MZT2A: variants seen among roughly 807,000 people sequenced by gnomAD.
MZT2A encodes the protein mitotic-spindle organizing protein 2A.
In MZT2A, 8 loss-of-function variants were observed where a neutral mutation model predicts 12.4. The observed-to-expected ratio is 0.64, with a 90% CI of 0.38 to 1.16. The LOEUF is 1.16. Ranked by LOEUF, MZT2A falls within the 50% of genes most tolerant of loss-of-function variation. The pLI is 0.01. For missense variants in MZT2A, 181 were observed against 223.6 expected, an observed-to-expected ratio of 0.81 and a Z score of 1.22; for synonymous variants, 88 against 107.5, an observed-to-expected ratio of 0.82 and a Z score of 1.12.
upstream of MZT2A, chr2:131,492,594 A>G (rs1679387657): frequency 5.9e-6 from 7 of 1,185,308 alleles, no homozygotes; most frequent in South Asian, 2.2e-5. Context: ...CGGGAGTGGC[A>G]TGGCGGACTG....
chr2:131,492,662 C>T, upstream of MZT2A: 1 of 1,257,332 alleles, frequency 8.0e-7, no homozygotes, highest in South Asian at 1.6e-5. Context: ...TGGTCGTGCT[C>T]GCTTAGGTGG....
downstream of MZT2A, chr2:131,483,011 G>A: frequency 1.6e-6 from 2 of 1,259,302 alleles, no homozygotes; most frequent in East Asian, 5.1e-5. Flanking sequence ...ACAGCGGTGG[G>A]GTGCCAGCCT....
At chr2:131,487,481 T>C (rs1375069566) in intron 2 of MZT2A, among the ~76,000 whole-genome samples, 1 of 152,106 alleles carries the variant, frequency 6.6e-6, no homozygotes, top group African/African-American at 2.4e-5. Context: ...GTCTCAAAAA[T>C]AAATAAATAA....
intron 3 of MZT2A, chr2:131,471,970 G>A (rs1350615623): frequency 1.8e-5 from 20 of 1,097,030 alleles, no homozygotes; most frequent in Non-Finnish European, 2.3e-5. Flanking sequence ...TCCATGAGCA[G>A]GAGTCCCAAG....
chr2:131,480,820 C>T, downstream of MZT2A: 1 of 1,561,326 alleles, frequency 6.4e-7, no homozygotes, highest in South Asian at 1.2e-5. Context: ...CCTGAAGGCC[C>T]ACATCCTTTG....
intron 2 of MZT2A, among the ~76,000 whole-genome samples, chr2:131,484,533 G>C (rs187203707): frequency 1.1e-4 from 17 of 152,350 alleles, no homozygotes; most frequent in African/African-American, 3.1e-4. Flanking sequence ...GGTAGGTGTG[G>C]TGGTCCACAC....
intron 2 of MZT2A, 190 bp downstream of exon 2, chr2:131,491,685 TG>T: frequency 1.3e-6 from 1 of 794,872 alleles, no homozygotes; most frequent in Non-Finnish European, 1.9e-6. Context: ...CCACCTGACC[TG>T]GACGTGCCTC....
At chr2:131,470,851 C>T (rs1013614992) in intron 3 of MZT2A, among the ~76,000 whole-genome samples, 25 of 147,708 alleles carry the variant, frequency 1.7e-4, no homozygotes, top group Non-Finnish European at 2.9e-4. Context: ...TCAAGACCAG[C>T]GCCTGGGCAA....
downstream of MZT2A, chr2:131,480,629 C>T: frequency 6.2e-7 from 1 of 1,613,738 alleles, no homozygotes. Context: ...ACGGCAAGTA[C>T]ATGGCCTGCT....
chr2:131,476,345 GGGATCGTTTCCT>G (rs2105267251), intron 2 of MZT2A: 1 of 1,444,486 alleles, frequency 6.9e-7, no homozygotes, highest in Admixed American at 2.3e-5. Flanking sequence ...AGGAGGACAC[GGGATCGTTTCCT>G]GGATCTTTGG....
downstream of MZT2A, chr2:131,482,883 C>G (rs748012081): frequency 3.2e-6 from 5 of 1,575,360 alleles, no homozygotes; most frequent in South Asian, 1.2e-5. Context: ...CTGCCACCCC[C>G]GGGATGGCTG....
rs1165680604 is a variant in MZT2A, at chr2:131,472,300, T to G, written c.279-118A>C. 859 of 852,576 alleles carry G rather than the reference T, an allele frequency of 1.0e-3. 6 individuals carry two copies. Among genetic ancestry groups the G allele is most frequent in the Admixed American group, 6.4e-3 (216 of 33,884 alleles). 52.8% of individuals were successfully genotyped at this position (852,576 alleles called of 1,614,324 possible). On this transcript the variant is annotated intron_variant and NMD_transcript_variant, in intron 2 of 4. Transcript: ENST00000427024. ...TTAATAATTCACAGGACTCTTTTTA[T>G]TGCTGTATACTAAATAAAATACACA...
chr2:131,491,993 C>G lies in MZT2A; in HGVS notation c.202G>C (p.Ala68Pro). ...ILVDLLKLNVAPLAVFQMLKS... is the reference protein window; with the variant it reads ...ILVDLLKLNVPPLAVFQMLKS... ...AGCATCTGGAAGACGGCGAGGGGGG[C>G]CACGTTCAGCTTCAGCAGGTCCACC... Residue 68 changes from alanine (A) to proline (P), a missense_variant, in exon 2 of 3, where the codon GCC (alanine) becomes CCC (proline). This residue lies in a region of MZT2A where 106 missense variants were observed against 127.2 expected (regional missense o/e 0.83). Coordinates refer to ENST00000309451, the MANE Select transcript of MZT2A (RefSeq NM_001085365.2). 6.5e-7 allele frequency: 1 copy of G among 1,549,388 alleles called. No homozygotes were observed.
chr2:131,479,951 T>C, downstream of MZT2A: 1 of 1,386,878 alleles, frequency 7.2e-7, no homozygotes, highest in Non-Finnish European at 9.7e-7. Context: ...GCATGTTTAT[T>C]ATGGATGATT....
intron 2 of MZT2A, among the ~76,000 whole-genome samples, chr2:131,474,246 C>A (rs930347848): frequency 8.6e-5 from 13 of 151,682 alleles, no homozygotes; most frequent in Non-Finnish European, 1.8e-4. Flanking sequence ...TGCAGGCACC[C>A]GCCGCCACGC....
intron 2 of MZT2A, among the ~76,000 whole-genome samples, chr2:131,475,754 C>G (rs1573854528): frequency 6.6e-6 from 1 of 152,062 alleles, no homozygotes; most frequent in South Asian, 2.1e-4. Context: ...GGCAAGGCCT[C>G]TCAGAGGTGG....
At position 131,490,804 on chromosome 2, in the gene MZT2A, C is replaced by T. The variant is rs1573876384; in HGVS notation, c.319+1072G>A. The stretch of plus-strand genomic sequence containing the variant: ...AGTGTGTGGCAGCTGGGCTGTGGAG[C>T]ATAACCAGAGAGGCCGCAGGCTGCG... On this transcript the variant is annotated intron_variant, in intron 2 of 2. Transcript: ENST00000309451. 6 of 1,549,976 alleles carry T rather than the reference C, an allele frequency of 3.9e-6. No individual in the cohort carries two copies. The African/African-American group carries it at 5.5e-5, about 14-fold the overall frequency.
At chr2:131,492,531 G>A (rs13002421), upstream of MZT2A, 8,361 of 1,119,102 alleles carry the variant, frequency 7.5e-3, 89 homozygotes, top group Middle Eastern at 0.038. Flanking sequence ...CGGCGTCATT[G>A]GAGCCCAACA....
rs138444379 is a variant in MZT2A, at chr2:131,478,285, T to C, written c.279-6103A>G. The C allele has an allele frequency of 1.8e-4, 290 of 1,614,008 alleles. 3 individuals carry two copies. Among genetic ancestry groups the C allele is most frequent in the South Asian group, 1.2e-3 (111 of 91,076 alleles). Reference sequence around the variant, plus strand: ...GGCCAAATGCCAAGTGATAAAACCATTGGTGGCGGGGACGACTCCTTCAAC... The same window carrying C: ...GGCCAAATGCCAAGTGATAAAACCACTGGTGGCGGGGACGACTCCTTCAAC... On this transcript the variant is annotated intron_variant and NMD_transcript_variant, in intron 2 of 4. Transcript: ENST00000427024.
Sources: allele counts gnomAD v4.1 joint callset (sites outside exome capture counted in the v4.1 genomes callset), GRCh38; gene constraint gnomAD v4.1.1; regional missense constraint gnomAD v4.1.1; transcripts MANE v1.5; gene names NCBI Gene and HGNC (gene_info 2026-07-23, HGNC 2026-07-21).